RBBP8: variants seen among roughly 807,000 people sequenced by gnomAD.
The protein encoded by RBBP8 is DNA endonuclease RBBP8.
A neutral mutation model predicts 108.3 loss-of-function variants in RBBP8; 88 were observed. That is an observed-to-expected ratio of 0.81 (90% confidence interval 0.68 to 0.97). The LOEUF (loss-of-function observed/expected upper bound fraction) is 0.97, where lower values mean the gene tolerates loss of function less well. RBBP8 is among the 50% of genes least tolerant of loss of function. The pLI, the probability that RBBP8 is intolerant of heterozygous loss-of-function variation, is 0.00. For missense variants in RBBP8, 1,023 were observed against 1,049.0 expected (o/e 0.98, Z 0.34); for synonymous variants, 332 against 348.2 (o/e 0.95, Z 0.52).
At chr18:23,015,049 C>T (rs1207448750) in intron 16 of RBBP8, among the ~76,000 whole-genome samples, 3 of 152,226 alleles carry the variant, frequency 2.0e-5, no homozygotes, top group South Asian at 4.1e-4. Context: ...CCACAGCCAG[C>T]TAATTTTTTA....
At chr18:22,941,311 A>G (rs143213944) in intron 2 of RBBP8, among the ~76,000 whole-genome samples, 1 of 152,144 alleles carries the variant, frequency 6.6e-6, no homozygotes, top group Non-Finnish European at 1.5e-5. Context: ...AGCTGGGACT[A>G]CAGGCACGCA....
intron 6 of RBBP8, among the ~76,000 whole-genome samples, chr18:22,977,115 T>C (rs1002069487): frequency 6.6e-6 from 1 of 152,072 alleles, no homozygotes; most frequent in African/African-American, 2.4e-5. Flanking sequence ...TTTATTCTCT[T>C]CTGAAATATA....
Position 22,940,481 on chromosome 18 carries a change from C to T in RBBP8, c.109+3521C>T, listed in dbSNP as rs377499416. 1.2e-3 allele frequency among the ~76,000 whole-genome samples: 175 copies of T among 151,678 alleles called. 2 individuals are homozygous for T. The highest frequency in any genetic ancestry group is 3.8e-3 in the African/African-American group (158 of 41,226). ...GACTACAAGCACCCGCCACCACGCC[C>T]GGCTAATTTTTTGTATTTTTAGTAG... On this transcript the variant is annotated intron_variant, in intron 2 of 18. Coordinates refer to ENST00000327155, the MANE Select transcript of RBBP8 (RefSeq NM_002894.3).
intron 14 of RBBP8, among the ~76,000 whole-genome samples, chr18:22,999,650 A>C (rs1380011594): frequency 2.6e-5 from 4 of 152,188 alleles, no homozygotes. Context: ...TTATATTAAA[A>C]AAAAAAAAAA....
At chr18:22,941,769 A>G (rs1208984035) in intron 2 of RBBP8, among the ~76,000 whole-genome samples, 1 of 152,038 alleles carries the variant, frequency 6.6e-6, no homozygotes, top group African/African-American at 2.4e-5. Context: ...GAATACAGTA[A>G]TTGTTGGTGT....
At position 23,026,212 on chromosome 18, in the gene RBBP8, C is replaced by T. The variant is rs2046448756; in HGVS notation, c.2666C>T (p.Ser889Phe). The change falls in exon 19 of 19, where the codon TCT (serine) becomes TTT (phenylalanine). Residue 889 changes from serine (S) to phenylalanine (F), a missense_variant. Physicochemically the swap from Ser to Phe is radical, Grantham distance 155 (BLOSUM62 -2). Coordinates refer to ENST00000327155, the MANE Select transcript of RBBP8 (RefSeq NM_002894.3). ...CGTCAGCCTTACAACGCAATATTTT[C>T]TCCAAAAGGCAAGGAGCAGAAGACA... ...KRRQPYNAIF[S>F]PKGKEQKT The T allele has an allele frequency of 6.2e-7, 1 of 1,613,772 alleles. No homozygotes were observed. Among genetic ancestry groups the T allele is most frequent in the Non-Finnish European group, 8.5e-7 (1 of 1,179,780 alleles).
At chr18:23,016,388 T>TA (rs1160985151) in intron 16 of RBBP8, among the ~76,000 whole-genome samples, 1 of 151,776 alleles carries the variant, frequency 6.6e-6, no homozygotes, top group Non-Finnish European at 1.5e-5. Flanking sequence ...CTACTAAAAA[T>TA]AAAAAATTAG....
intron 8 of RBBP8, among the ~76,000 whole-genome samples, chr18:22,985,740 A>G (rs775577713): frequency 4.7e-4 from 72 of 152,244 alleles, no homozygotes; most frequent in Non-Finnish European, 8.5e-4. Flanking sequence ...ACATTCAGGT[A>G]GAGTTTGGAT....
intron 4 of RBBP8, among the ~76,000 whole-genome samples, chr18:22,968,012 A>G (rs1199120060): frequency 6.6e-6 from 1 of 151,712 alleles, no homozygotes; most frequent in Non-Finnish European, 1.5e-5. Context: ...CAAAAGGAAA[A>G]TATGAGGTGA....
At chr18:22,961,047 G>A (rs1913059138) in intron 4 of RBBP8, among the ~76,000 whole-genome samples, 5 of 152,180 alleles carry the variant, frequency 3.3e-5, no homozygotes, top group Admixed American at 3.3e-4. Flanking sequence ...TTGGTAAATA[G>A]GAACAGTTCC....
chr18:22,937,769 C>T (rs1247351129), intron 2 of RBBP8, among the ~76,000 whole-genome samples: 2 of 150,992 alleles, frequency 1.3e-5, no homozygotes, highest in African/African-American at 4.9e-5. Context: ...TGAGCCACTG[C>T]GCCTGGCCCA....
At chr18:23,001,529 G>A in intron 14 of RBBP8, 57 bp from the exon 15 acceptor site, 1 of 1,596,228 alleles carries the variant, frequency 6.3e-7, no homozygotes, top group Admixed American at 1.7e-5. Flanking sequence ...TTTCATGATG[G>A]TCTACATATT....
intron 6 of RBBP8, among the ~76,000 whole-genome samples, chr18:22,980,658 G>C (rs1044326870): frequency 6.6e-6 from 1 of 152,030 alleles, no homozygotes; most frequent in Non-Finnish European, 1.5e-5. Flanking sequence ...AGTGAAATGA[G>C]CAGATGTGAC....
At chr18:22,999,415 C>T (rs1360692793) in intron 14 of RBBP8, among the ~76,000 whole-genome samples, 1 of 152,146 alleles carries the variant, frequency 6.6e-6, no homozygotes, top group Non-Finnish European at 1.5e-5. Flanking sequence ...TTCACTTAGG[C>T]TCATTTGAGC....
intron 16 of RBBP8, among the ~76,000 whole-genome samples, chr18:23,008,531 A>C (rs559490038): frequency 6.6e-6 from 1 of 152,126 alleles, no homozygotes; most frequent in Non-Finnish European, 1.5e-5. Flanking sequence ...AATCCATTGC[A>C]GTCATTATCC....
intron 4 of RBBP8, among the ~76,000 whole-genome samples, chr18:22,961,318 A>T (rs527374681): frequency 5.3e-5 from 8 of 152,252 alleles, no homozygotes; most frequent in Non-Finnish European, 1.0e-4. Context: ...GGGCCCAGCT[A>T]TACAGGTAGG....
chr18:23,000,442 C>G (rs539448579), intron 14 of RBBP8, among the ~76,000 whole-genome samples: 2 of 152,018 alleles, frequency 1.3e-5, no homozygotes, highest in Non-Finnish European at 2.9e-5. Flanking sequence ...TACTTCATTA[C>G]AAAAAGTAAG....
rs771541058 is a variant in RBBP8, at chr18:22,982,342, C to T, written c.553C>T (p.Arg185Ter). The T allele has an allele frequency of 5.6e-6, 9 of 1,613,948 alleles. No individual in the cohort carries two copies. The highest frequency in any genetic ancestry group is 5.5e-5 in the South Asian group (5 of 91,076). The change falls in exon 7 of 19, where the codon CGA becomes TGA. Residue 185 changes from arginine (R) to a stop codon, truncating the protein, a stop_gained. Coordinates refer to ENST00000327155, the MANE Select transcript of RBBP8 (RefSeq NM_002894.3). LOFTEE classifies it high-confidence loss of function. Reference protein sequence around the residue: ...RLRRKENPHVRYIEQTHTKLE... With the variant: ...RLRRKENPHV ...ACGAAGAAAGGAGAACCCCCATGTC[C>T]GATACATAGAACAAACACATACTAA...
chr18:22,988,660 T>A (rs1193261565), intron 8 of RBBP8, among the ~76,000 whole-genome samples: 3 of 152,222 alleles, frequency 2.0e-5, no homozygotes, highest in Non-Finnish European at 1.5e-5. Context: ...ACCTTTCAAC[T>A]ATATAAGCTC....
Sources: allele counts gnomAD v4.1 joint callset (sites outside exome capture counted in the v4.1 genomes callset), GRCh38; gene constraint gnomAD v4.1.1; transcripts MANE v1.5; gene names NCBI Gene and HGNC (gene_info 2026-07-23, HGNC 2026-07-21).